The following RGS9 variants were observed in gnomAD, a reference collection of about 807,000 sequenced individuals.
RGS9 encodes regulator of G protein signaling 9, also known as regulator of G-protein signalling 9.
A neutral mutation model predicts 102.0 loss-of-function variants in RGS9; 78 were observed. That is an observed-to-expected ratio of 0.76 (90% confidence interval 0.64 to 0.92). RGS9 has a LOEUF of 0.92. Ranked by LOEUF, RGS9 falls within the 40% of genes least tolerant of loss-of-function variation. The probability of loss-of-function intolerance (pLI) is 0.00; values close to 1 mark genes in which losing one functional copy is unlikely to be tolerated. For missense variants in RGS9, 833 were observed against 866.1 expected (o/e 0.96, Z 0.48); for synonymous variants, 353 against 318.6 (o/e 1.11, Z -1.15).
chr17:65,219,773 C>T (rs1158934346), intron 17 of RGS9, among the ~76,000 whole-genome samples: 1 of 152,168 alleles, frequency 6.6e-6, no homozygotes. Context: ...ACACTAGCTG[C>T]TATCATCATC....
chr17:65,227,221 G>A lies in RGS9; in HGVS notation c.1893-54G>A. On this transcript the variant is annotated intron_variant, in intron 18 of 18. Transcript: ENST00000262406. ...GGATGTCAGGATGATTTGGGGAGGTGCAGTCCCTCCTGCCCCTGCCCCTAC... is the reference window on the plus strand; with the variant it reads ...GGATGTCAGGATGATTTGGGGAGGTACAGTCCCTCCTGCCCCTGCCCCTAC... 5 of 1,612,810 alleles carry A rather than the reference G, an allele frequency of 3.1e-6. No homozygotes were observed. The South Asian group carries it at 4.4e-5, about 14-fold the overall frequency.
chr17:65,226,896 T>C (rs1214727092), intron 18 of RGS9, among the ~76,000 whole-genome samples: 2 of 152,198 alleles, frequency 1.3e-5, no homozygotes, highest in African/African-American at 2.4e-5. Flanking sequence ...ATTACAGGCA[T>C]GAGCCACAGT....
Position 65,227,431 on chromosome 17 carries a change from G to A in RGS9, c.*24G>A, listed in dbSNP as rs1317034965. ...AAGGAAAGAGGCAGGCTGAGCTGGGGGCTCTGGACCAGGAAGATGCTCTGA... is the reference window on the plus strand; with the variant it reads ...AAGGAAAGAGGCAGGCTGAGCTGGGAGCTCTGGACCAGGAAGATGCTCTGA... On this transcript the variant is annotated 3_prime_UTR_variant, in exon 19 of 19. Coordinates refer to ENST00000262406, the MANE Select transcript of RGS9 (RefSeq NM_003835.4). The A allele has an allele frequency of 6.2e-7, 1 of 1,604,794 alleles. No homozygotes were observed. Among genetic ancestry groups the A allele is most frequent in the Non-Finnish European group, 8.5e-7 (1 of 1,175,396 alleles).
intron 8 of RGS9, among the ~76,000 whole-genome samples, chr17:65,176,591 G>A (rs1197679232): frequency 1.3e-5 from 2 of 152,164 alleles, no homozygotes; most frequent in Non-Finnish European, 2.9e-5. Flanking sequence ...ACAGAGTGTG[G>A]GGAAGGAGCA....
intron 1 of RGS9, among the ~76,000 whole-genome samples, chr17:65,138,631 G>A (rs991640897): frequency 6.6e-6 from 1 of 151,934 alleles, no homozygotes; most frequent in East Asian, 1.9e-4. Flanking sequence ...GCTGAATGTT[G>A]TCTCACTCAG....
rs1404070176 is a variant in RGS9 at position 65,168,352 on chromosome 17, C to A, written c.582+71C>A. On this transcript the variant is annotated intron_variant, in intron 8 of 18. Transcript: ENST00000262406. ...CCACCTCCATCCTGTGCTCTCCATACCTGTTGCCAACTCCTCTTTCTCTAG... is the reference window on the plus strand; with the variant it reads ...CCACCTCCATCCTGTGCTCTCCATAACTGTTGCCAACTCCTCTTTCTCTAG... 5.1e-5 allele frequency: 54 copies of A among 1,057,768 alleles called. No individual in the cohort carries two copies. In the South Asian group the frequency reaches 7.1e-4, roughly 14 times the overall value. The allele number at this position is 1,057,768 out of a possible 1,614,324, so 65.5% of individuals were successfully genotyped here. A position where few individuals can be genotyped will look rare whatever the true frequency, so the allele number is the denominator to read the frequency against.
chr17:65,141,447 A>G (rs1446428584), intron 1 of RGS9, among the ~76,000 whole-genome samples: 2 of 152,224 alleles, frequency 1.3e-5, no homozygotes, highest in African/African-American at 4.8e-5. Context: ...GGCTTCTGGC[A>G]TCTCTTTTTG....
chr17:65,145,113 A>T (rs1296252001), intron 1 of RGS9, among the ~76,000 whole-genome samples: 2 of 152,038 alleles, frequency 1.3e-5, no homozygotes, highest in Non-Finnish European at 2.9e-5. Context: ...TTTATTGAGA[A>T]TGAGTCTCAC....
intron 1 of RGS9, among the ~76,000 whole-genome samples, chr17:65,150,473 T>A (rs187475275): frequency 6.6e-6 from 1 of 151,750 alleles, no homozygotes; most frequent in African/African-American, 2.4e-5. Context: ...AATACAAAAA[T>A]TAGCTGGGCG....
rs775057780 is a variant in RGS9 at position 65,163,021 on chromosome 17, C to T, written c.432C>T (p.Tyr144=). The change falls in exon 7 of 19, where the codon TAC becomes TAT. Residue 144 remains tyrosine, a synonymous_variant. Coordinates refer to ENST00000262406, the MANE Select transcript of RGS9 (RefSeq NM_003835.4). ...TTGTTTTTCTTCTTTAGGAAAATTACAATTTCTTGAACCAAAAAATGAACT... is the reference window on the plus strand; with the variant it reads ...TTGTTTTTCTTCTTTAGGAAAATTATAATTTCTTGAACCAAAAAATGAACT... ...GILEEYEKEN[Y]NFLNQKMNYK... The T allele has an allele frequency of 7.1e-5, 112 of 1,569,040 alleles. No individual in the cohort carries two copies. Among genetic ancestry groups the T allele is most frequent in the Non-Finnish European group, 9.2e-5 (105 of 1,140,422 alleles).
chr17:65,157,919 A>ATT (rs979750737), intron 2 of RGS9, among the ~76,000 whole-genome samples: 1 of 150,682 alleles, frequency 6.6e-6, no homozygotes, highest in African/African-American at 2.4e-5. Flanking sequence ...GTGTGTGTGT[A>ATT]TGTGTGTGTG....
chr17:65,178,003 C>T (rs181250728), intron 9 of RGS9, among the ~76,000 whole-genome samples, 200 bp downstream of exon 9: 76 of 152,270 alleles, frequency 5.0e-4, no homozygotes, highest in African/African-American at 1.3e-3. Flanking sequence ...GAAGAAATTA[C>T]GACTGAAGAC....
chr17:65,215,515 T>TCTTTCTTTCTTTCTTC (rs1913482903), intron 17 of RGS9, among the ~76,000 whole-genome samples: 2 of 138,294 alleles, frequency 1.4e-5, no homozygotes, highest in African/African-American at 6.3e-5. Flanking sequence ...TTTCTTTCTT[T>TCTTTCTTTCTTTCTTC]CTTTCTTTCT....
In RGS9 at chr17:65,225,111, C is replaced by A; in HGVS notation, c.1517C>A (p.Pro506His). 1 of 1,613,966 alleles carries A rather than the reference C, an allele frequency of 6.2e-7. No individual in the cohort carries two copies. Among genetic ancestry groups the A allele is most frequent in the African/African-American group, 1.3e-5 (1 of 75,062 alleles). The change falls in exon 18 of 19, where the codon CCT (proline) becomes CAT (histidine). Residue 506 changes from proline to histidine, a missense_variant. Around this residue, in one of 3 missense-constraint regions of RGS9, gnomAD observed 320 missense variants for 276.8 expected, o/e 1.16. Coordinates refer to ENST00000262406, the MANE Select transcript of RGS9 (RefSeq NM_003835.4). Reference sequence around the variant, plus strand: ...TCCTCCTGCCGCTCCCCCAGGAAGCCTTTCGCCTCACCCAGCCGCTTCATC... The same window carrying A: ...TCCTCCTGCCGCTCCCCCAGGAAGCATTTCGCCTCACCCAGCCGCTTCATC... ...FSSSCRSPRK[P>H]FASPSRFIRR...
chr17:65,144,429 A>G (rs960230751), intron 1 of RGS9, among the ~76,000 whole-genome samples: 1 of 152,176 alleles, frequency 6.6e-6, no homozygotes, highest in Admixed American at 6.5e-5. Context: ...TGGCACGCCC[A>G]CTGTCATGCC....
intron 17 of RGS9, among the ~76,000 whole-genome samples, chr17:65,211,388 G>A (rs1023744207): frequency 9.9e-5 from 15 of 152,142 alleles, no homozygotes; most frequent in African/African-American, 2.4e-4. Context: ...AGCGGCTTGC[G>A]GGAATGAAGG....
chr17:65,137,711 T>A (rs1266795187), intron 1 of RGS9, 114 bp downstream of exon 1: 1 of 890,122 alleles, frequency 1.1e-6, no homozygotes, highest in South Asian at 1.4e-5. Context: ...CGATTTGTGC[T>A]GCTCGATTTT....
intron 9 of RGS9, chr17:65,188,705 T>C (rs7207726): frequency 0.36 from 58,675 of 161,244 alleles, 14,599 homozygotes; most frequent in African/African-American, 0.71. Context: ...CTCAATCTCC[T>C]GGGATCAGGC....
At chr17:65,143,476 T>A (rs914534154) in intron 1 of RGS9, among the ~76,000 whole-genome samples, 2 of 152,084 alleles carry the variant, frequency 1.3e-5, no homozygotes, top group Non-Finnish European at 2.9e-5. Context: ...CCCATCTCTA[T>A]AAGAAAATTT....
Sources: allele counts gnomAD v4.1 joint callset (sites outside exome capture counted in the v4.1 genomes callset), GRCh38; gene constraint gnomAD v4.1.1; regional missense constraint gnomAD v4.1.1; transcripts MANE v1.5; gene names NCBI Gene and HGNC (gene_info 2026-07-23, HGNC 2026-07-21).